Variants in DECR1 observed in about 807,000 individuals in gnomAD.
DECR1 encodes the protein 2,4-dienoyl-CoA reductase [(3E)-enoyl-CoA-producing], mitochondrial.
DECR1 carries 44 observed loss-of-function variants against 38.8 expected under a neutral mutation model. That is an observed-to-expected ratio of 1.13 (90% CI 0.89 to 1.46). DECR1 has a LOEUF of 1.46. Among genes scored for constraint, DECR1 ranks in the 40% most tolerant of loss-of-function variants. DECR1 has a pLI of 0.00. For missense variants in DECR1, 428 were observed against 405.5 expected (o/e 1.06, Z -0.48); for synonymous variants, 148 against 135.2 (o/e 1.09, Z -0.66).
intron 6 of DECR1, among the ~76,000 whole-genome samples, chr8:90,039,960 A>G (rs1300819765): frequency 6.6e-6 from 1 of 152,224 alleles, no homozygotes; most frequent in African/African-American, 2.4e-5. Context: ...TAGCATCTTA[A>G]CATGCAGAGA....
intron 5 of DECR1, among the ~76,000 whole-genome samples, chr8:90,032,059 G>A (rs983799391): frequency 6.6e-6 from 1 of 152,028 alleles, no homozygotes; most frequent in Non-Finnish European, 1.5e-5. Flanking sequence ...TCAAGTAAAT[G>A]CACAGAGTTG....
At chr8:90,015,683 T>C (rs1812990061) in intron 1 of DECR1, 1 of 456,260 alleles carries the variant, frequency 2.2e-6, no homozygotes, top group Admixed American at 2.3e-5. Context: ...TCTGGAGTTT[T>C]AACTGGAGTG....
At chr8:90,011,476 C>T (rs1377054519) in intron 1 of DECR1, among the ~76,000 whole-genome samples, 1 of 152,082 alleles carries the variant, frequency 6.6e-6, no homozygotes, top group African/African-American at 2.4e-5. Context: ...AGCTTGTCGA[C>T]GTTCACAAAA....
intron 6 of DECR1, 83 bp from the exon 7 acceptor site, chr8:90,042,645 A>G (rs571951752): frequency 8.8e-7 from 1 of 1,137,592 alleles, no homozygotes; most frequent in Non-Finnish European, 1.3e-6. Flanking sequence ...GCATGTAGTA[A>G]GCATCTAGTG....
chr8:90,048,134 C>G (rs915968561), intron 8 of DECR1, among the ~76,000 whole-genome samples: 6 of 152,002 alleles, frequency 3.9e-5, no homozygotes, highest in Non-Finnish European at 8.8e-5. Context: ...ACTAGAGAAG[C>G]AAGAGCAAAC....
chr8:90,039,363 G>T (rs1245201083), intron 6 of DECR1, among the ~76,000 whole-genome samples: 1 of 152,184 alleles, frequency 6.6e-6, no homozygotes, highest in Non-Finnish European at 1.5e-5. Context: ...CATGGTGGAA[G>T]GCACCTCTTC....
rs1306612766 is a variant in DECR1 at position 90,042,854 on chromosome 8, T to A, written c.738+54T>A. 2.1e-6 allele frequency: 3 copies of A among 1,421,598 alleles called. No individual in the cohort carries two copies. In the Admixed American group the frequency reaches 5.0e-5, roughly 24 times the overall value. 88.1% of individuals were successfully genotyped at this position (1,421,598 alleles called of 1,614,324 possible). The stretch of plus-strand genomic sequence containing the variant: ...TGTGAATGATTAAATAATGAAACAC[T>A]GATAGGTATATTCTGGTTGTTGTGT... On this transcript the variant is annotated intron_variant, in intron 7 of 9. Coordinates refer to ENST00000220764, the MANE Select transcript of DECR1 (RefSeq NM_001359.2).
chr8:90,051,646 G>A lies in DECR1; in HGVS notation c.886-31G>A, dbSNP rs772470843. On this transcript the variant is annotated intron_variant, in intron 8 of 9. Coordinates refer to ENST00000220764, the MANE Select transcript of DECR1 (RefSeq NM_001359.2). Reference sequence around the variant, plus strand: ...TTCAGAAACTTTTTAAAAGGAGTTAGTTTCAGAGTTTAAAAATTTGTTTTT... The same window carrying A: ...TTCAGAAACTTTTTAAAAGGAGTTAATTTCAGAGTTTAAAAATTTGTTTTT... 11 of 1,583,826 alleles carry A rather than the reference G, an allele frequency of 6.9e-6. No individual in the cohort carries two copies. In the South Asian group the frequency reaches 1.2e-4, roughly 18 times the overall value.
At chr8:90,037,701 A>C (rs1424901251) in intron 6 of DECR1, among the ~76,000 whole-genome samples, 1 of 152,034 alleles carries the variant, frequency 6.6e-6, no homozygotes, top group Non-Finnish European at 1.5e-5. Context: ...CTCCTGCCTC[A>C]GCCTCCCAAA....
At chr8:90,001,967 G>A (rs1812625719) in intron 1 of DECR1, among the ~76,000 whole-genome samples, 1 of 152,178 alleles carries the variant, frequency 6.6e-6, no homozygotes, top group Admixed American at 6.5e-5. Context: ...GCGTTTTGGG[G>A]CGCAGAGAGA....
rs969432332 is a variant in DECR1 at position 90,002,779 on chromosome 8, A to AT, written c.69+1226dup. 6.6e-5 allele frequency among the ~76,000 whole-genome samples: 10 copies of AT among 151,992 alleles called. No homozygotes were observed. In the East Asian group the frequency reaches 1.2e-3, roughly 18 times the overall value. On this transcript the variant is annotated intron_variant, in intron 1 of 9. Coordinates refer to ENST00000220764, the MANE Select transcript of DECR1 (RefSeq NM_001359.2). ...TTTGTTCAGGGTTAGGGTTTTGCTG[A>AT]TTTTTTTTCTCTCCCTGTGAAAACT...
chr8:90,014,710 A>G (rs1206444063), intron 1 of DECR1, among the ~76,000 whole-genome samples: 2 of 152,222 alleles, frequency 1.3e-5, no homozygotes, highest in Non-Finnish European at 2.9e-5. Context: ...GAAGTCCCAC[A>G]TCAAATCCCC....
rs1404930271 is a variant in DECR1 at position 90,044,867 on chromosome 8, G to T, written c.757G>T (p.Asp253Tyr). ...TTCTAAGGGTGCCTTTAGCCGTCTG[G>T]ACCCAACTGGAACATTTGAGAAAGA... ...IKTKGAFSRL[D>Y]PTGTFEKEMI... Residue 253 changes from aspartate (D) to tyrosine (Y), a missense_variant, in exon 8 of 10, where the codon GAC becomes TAC. Physicochemically the swap from Asp to Tyr is radical, Grantham distance 160. Transcript: ENST00000220764. 6.2e-7 allele frequency: 1 copy of T among 1,613,262 alleles called. No homozygotes were observed. The highest frequency in any genetic ancestry group is 1.7e-5 in the Admixed American group (1 of 59,944).
intron 2 of DECR1, among the ~76,000 whole-genome samples, chr8:90,018,114 C>G (rs1273807495): frequency 6.6e-6 from 1 of 152,240 alleles, no homozygotes; most frequent in Non-Finnish European, 1.5e-5. Context: ...TCTTGAACTC[C>G]TGACCTCAGG....
At chr8:90,016,899 C>A in intron 1 of DECR1, 2 of 443,758 alleles carry the variant, frequency 4.5e-6, no homozygotes, top group South Asian at 4.8e-5. Flanking sequence ...CTGAAAGTTA[C>A]ATAGCTTGGG....
intron 5 of DECR1, among the ~76,000 whole-genome samples, chr8:90,030,176 C>T (rs541963735): frequency 6.6e-6 from 1 of 152,226 alleles, no homozygotes; most frequent in Admixed American, 6.6e-5. Flanking sequence ...CTAATGTCAC[C>T]GCTGATCTGA....
At chr8:90,015,825 A>G (rs1310161970) in intron 1 of DECR1, among the ~76,000 whole-genome samples, 1 of 152,228 alleles carries the variant, frequency 6.6e-6, no homozygotes. Context: ...GGAGCCTGTC[A>G]GTCAGTTTGA....
Position 90,042,874 on chromosome 8 carries a change from T to C in DECR1, c.738+74T>C, listed in dbSNP as rs1013435133. Reference sequence around the variant, plus strand: ...AACACTGATAGGTATATTCTGGTTGTTGTGTAAAGGACTTTCCAGAGATGC... The same window carrying C: ...AACACTGATAGGTATATTCTGGTTGCTGTGTAAAGGACTTTCCAGAGATGC... On this transcript the variant is annotated intron_variant, in intron 7 of 9. Transcript: ENST00000220764. 6 of 1,329,484 alleles carry C rather than the reference T, an allele frequency of 4.5e-6. No individual in the cohort carries two copies. In the African/African-American group the frequency reaches 8.7e-5, roughly 19 times the overall value. The allele number at this position is 1,329,484 out of a possible 1,614,324, so 82.4% of individuals were successfully genotyped here.
intron 1 of DECR1, among the ~76,000 whole-genome samples, chr8:90,011,251 G>A (rs1039969470): frequency 6.6e-6 from 1 of 152,142 alleles, no homozygotes; most frequent in Admixed American, 6.5e-5. Context: ...CTATAGCAAT[G>A]TTTACAGTCA....
Sources: allele counts gnomAD v4.1 joint callset (sites outside exome capture counted in the v4.1 genomes callset), GRCh38; gene constraint gnomAD v4.1.1; transcripts MANE v1.5; gene names NCBI Gene and HGNC (gene_info 2026-07-23, HGNC 2026-07-21).